Variants in MAF observed in about 807,000 individuals in gnomAD.
MAF encodes transcription factor Maf.
In MAF, 10 loss-of-function variants were observed where a neutral mutation model predicts 22.0. That is an observed-to-expected ratio of 0.45 (90% confidence interval 0.28 to 0.77). The LOEUF is 0.77. MAF is among the 30% of genes least tolerant of loss of function. The pLI is 0.12. For synonymous variants in MAF, 337 were observed against 255.8 expected (o/e 1.32, Z -3.03); for missense variants, 544 against 548.4 (o/e 0.99, Z 0.08).
At chr16:79,388,372 G>C in the MAF span, among the ~76,000 whole-genome samples, 2 of 151,592 alleles carry the variant, frequency 1.3e-5, no homozygotes, top group Non-Finnish European at 2.9e-5. Flanking sequence ...TCTGCTCTTA[G>C]ATGGATTTCG....
the MAF span, among the ~76,000 whole-genome samples, chr16:79,553,617 G>T: frequency 6.6e-6 from 1 of 152,248 alleles, no homozygotes; most frequent in Non-Finnish European, 1.5e-5. Context: ...CCAGGTACAA[G>T]CTCGCTCCCA....
chr16:79,233,821 G>A, the MAF span, among the ~76,000 whole-genome samples: 4 of 151,894 alleles, frequency 2.6e-5, no homozygotes, highest in South Asian at 2.1e-4. Context: ...GTGAAACCCT[G>A]TTTCTACTGA....
the MAF span, among the ~76,000 whole-genome samples, chr16:79,353,422 C>A: frequency 6.6e-6 from 1 of 152,310 alleles, no homozygotes. Flanking sequence ...AGCCACCGTG[C>A]CTGGCCTCAA....
At chr16:79,554,043 C>G in the MAF span, among the ~76,000 whole-genome samples, 11,553 of 152,174 alleles carry the variant, frequency 0.076, 511 homozygotes, top group Non-Finnish European at 0.1. Flanking sequence ...GAGCTGAGAT[C>G]ATGCCACTGG....
the MAF span, among the ~76,000 whole-genome samples, chr16:79,319,958 A>T: frequency 6.6e-6 from 1 of 152,186 alleles, no homozygotes; most frequent in East Asian, 1.9e-4. Flanking sequence ...CTTTGAGAAG[A>T]TATTTAAAAT....
the MAF span, among the ~76,000 whole-genome samples, chr16:79,346,140 T>A: frequency 2.6e-5 from 4 of 151,996 alleles, no homozygotes; most frequent in Non-Finnish European, 5.9e-5. Context: ...AACTCATCAT[T>A]TAGCATTAGG....
At chr16:79,342,614 A>G in the MAF span, among the ~76,000 whole-genome samples, 5 of 151,366 alleles carry the variant, frequency 3.3e-5, no homozygotes, top group African/African-American at 4.9e-5. Context: ...CATTGTCACC[A>G]TCACCATCAC....
the MAF span, among the ~76,000 whole-genome samples, chr16:79,486,692 C>G: frequency 6.6e-6 from 1 of 152,160 alleles, no homozygotes; most frequent in Admixed American, 6.5e-5. Flanking sequence ...GTCTCCGAGA[C>G]AGAGAGAGAG....
At chr16:79,597,517 G>C (rs1597845112) in intron 1 of MAF, 1 of 1,024,008 alleles carries the variant, frequency 9.8e-7, no homozygotes, top group Non-Finnish European at 1.2e-6. Context: ...TTCAATGTTT[G>C]CCAGGTTAAA....
the MAF span, among the ~76,000 whole-genome samples, chr16:79,323,147 TAAAAAAAAAAAAAAAAAAAAAAAAAA>T: frequency 5.0e-5 from 1 of 19,870 alleles, no homozygotes; most frequent in Non-Finnish European, 1.1e-4. Flanking sequence ...AGACTCCATC[TAAAAAAAAAAAAAAAAAAAAAAAAAA>T]AAAAAAAAAA....
the MAF span, chr16:79,212,247 C>T: frequency 7.5e-7 from 1 of 1,334,996 alleles, no homozygotes; most frequent in East Asian, 2.5e-5. Flanking sequence ...TGCATTGATC[C>T]AGGAGATAAT....
At chr16:79,416,450 C>T in the MAF span, among the ~76,000 whole-genome samples, 1 of 147,216 alleles carries the variant, frequency 6.8e-6, no homozygotes, top group Non-Finnish European at 1.5e-5. Context: ...CACGGTGATA[C>T]ACTACATTTG....
chr16:79,459,095 T>G, the MAF span, among the ~76,000 whole-genome samples: 147 of 152,322 alleles, frequency 9.7e-4, 2 homozygotes, highest in African/African-American at 3.4e-3. Flanking sequence ...CATTACTCAG[T>G]AAGGTAGGCA....
chr16:79,376,103 T>C, the MAF span, among the ~76,000 whole-genome samples: 28 of 128,066 alleles, frequency 2.2e-4, no homozygotes, highest in Admixed American at 2.0e-3. Flanking sequence ...CTAAGTATTG[T>C]TGGAGAGAAA....
intron 1 of MAF, chr16:79,597,865 T>C (rs1913649338): frequency 7.7e-6 from 8 of 1,033,270 alleles, no homozygotes; most frequent in Non-Finnish European, 9.3e-6. Flanking sequence ...TAGTTCATTG[T>C]TGCTAAGACA....
chr16:79,586,834 A>T (rs966452744), intron 1 of MAF, among the ~76,000 whole-genome samples: 1 of 152,236 alleles, frequency 6.6e-6, no homozygotes, highest in Non-Finnish European at 1.5e-5. Flanking sequence ...AATCTAATTT[A>T]AAAAATTCAA....
At chr16:79,216,229 CTA>C in the MAF span, among the ~76,000 whole-genome samples, 739 of 152,266 alleles carry the variant, frequency 4.9e-3, 8 homozygotes, top group Admixed American at 0.023. Flanking sequence ...ATGTGCACAT[CTA>C]TATGTGTATA....
the MAF span, among the ~76,000 whole-genome samples, chr16:79,358,587 G>A: frequency 1.3e-5 from 2 of 152,206 alleles, no homozygotes; most frequent in African/African-American, 4.8e-5. Context: ...CACCTTGGCA[G>A]CTGCTCACAA....
At chr16:79,578,453 A>AT in the MAF span, among the ~76,000 whole-genome samples, 784 of 152,260 alleles carry the variant, frequency 5.1e-3, 6 homozygotes, top group African/African-American at 0.018. Flanking sequence ...ACGATGTATC[A>AT]TTTTTCAAAT....
Sources: allele counts gnomAD v4.1 joint callset (sites outside exome capture counted in the v4.1 genomes callset), GRCh38; gene constraint gnomAD v4.1.1; transcripts MANE v1.5; gene names NCBI Gene and HGNC (gene_info 2026-07-23, HGNC 2026-07-21).